Variants in MBTPS1 observed in about 807,000 individuals in gnomAD.
MBTPS1 encodes membrane bound transcription factor peptidase, site 1.
A neutral mutation model predicts 127.8 loss-of-function variants in MBTPS1; 94 were observed. That is an observed-to-expected ratio of 0.74 (90% CI 0.62 to 0.87). MBTPS1 has a LOEUF of 0.87. MBTPS1 is among the 40% of genes least tolerant of loss of function. The pLI, the probability that MBTPS1 is intolerant of heterozygous loss-of-function variation, is 0.00. For synonymous variants in MBTPS1, 632 were observed against 509.4 expected (o/e 1.24, Z -3.24); for missense variants, 1,636 against 1,353.2 (o/e 1.21, Z -3.28).
At chr16:84,062,409 G>A (rs3759974) in intron 19 of MBTPS1, among the ~76,000 whole-genome samples, 40,100 of 152,130 alleles carry the variant, frequency 0.26, 5,343 homozygotes, top group East Asian at 0.35. Context: ...GTGAGCCACC[G>A]CGCCCGGCCC....
In MBTPS1 at chr16:84,069,970, G is replaced by A. The variant is rs368173667; in HGVS notation, c.1851C>T (p.Pro617=). 6.2e-7 allele frequency: 1 copy of A among 1,614,080 alleles called. No individual in the cohort carries two copies. Among genetic ancestry groups the A allele is most frequent in the East Asian group, 2.2e-5 (1 of 44,886 alleles). ...CCCAGAGAACTCTCTTGCTTCGCGGGGGAGTAGGAATTATCTTCACCTTAA... is the reference window on the plus strand; with the variant it reads ...CCCAGAGAACTCTCTTGCTTCGCGGAGGAGTAGGAATTATCTTCACCTTAA... ...LPIKVKIIPT[P]PRSKRVLWDQ... Residue 617 remains proline, a synonymous_variant, in exon 14 of 23, where the codon CCC becomes CCT. Coordinates refer to ENST00000343411, the MANE Select transcript of MBTPS1 (RefSeq NM_003791.4).
chr16:84,068,386 A>G lies in MBTPS1; in HGVS notation c.2024T>C (p.Val675Ala), dbSNP rs1027752054. 2.5e-6 allele frequency: 4 copies of G among 1,614,144 alleles called. No homozygotes were observed. The African/African-American group carries it at 4.0e-5, about 16-fold the overall frequency. ...YQHLRSMGYF[V>A]EVLGAPFTCF... ...CGTGAAGGGGGCCCCGAGGACCTCTACAAAGTAGCCCATGCTTCTCAGATG... is the reference window on the plus strand; with the variant it reads ...CGTGAAGGGGGCCCCGAGGACCTCTGCAAAGTAGCCCATGCTTCTCAGATG... Residue 675 changes from valine (V) to alanine (A), a missense_variant, in exon 15 of 23, where the codon GTA (valine) becomes GCA (alanine). By Grantham distance (64) the Val-to-Ala change is moderately conservative. Coordinates refer to ENST00000343411, the MANE Select transcript of MBTPS1 (RefSeq NM_003791.4).
In MBTPS1 at chr16:84,099,059, C is replaced by T. The variant is rs781522280; in HGVS notation, c.415G>A (p.Ala139Thr). Residue 139 changes from alanine (A) to threonine (T), a missense_variant, in exon 3 of 23, where the codon GCT becomes ACT. By Grantham distance (58) the Ala-to-Thr change is moderately conservative. Coordinates refer to ENST00000343411, the MANE Select transcript of MBTPS1 (RefSeq NM_003791.4). The part of the protein sequence containing the change: ...QRKVFRSLKY[A>T]ESDPTVPCNE... The stretch of plus-strand genomic sequence containing the variant: ...CTACAGTCACAATACTCACATTCAG[C>T]ATACTTGAGGGAACGAAAGACTTTT... 2 of 1,613,958 alleles carry T rather than the reference C, an allele frequency of 1.2e-6. No homozygotes were observed. Among genetic ancestry groups the T allele is most frequent in the South Asian group, 1.1e-5 (1 of 91,062 alleles).
intron 1 of MBTPS1, among the ~76,000 whole-genome samples, chr16:84,114,766 G>A (rs1471985748): frequency 6.8e-6 from 1 of 146,174 alleles, no homozygotes; most frequent in Non-Finnish European, 1.5e-5. Flanking sequence ...GGAGGCAGAA[G>A]TTGCAGTGAG....
Position 84,087,468 on chromosome 16 carries a change from G to C in MBTPS1, c.1032-8C>G. On this transcript the variant is annotated splice_region_variant and splice_polypyrimidine_tract_variant and intron_variant, in intron 8 of 22. Transcript: ENST00000343411. Reference sequence around the variant, plus strand: ...GCAGGGTTATTCAGAGTGCTATATTGAGACCAAAAAAAAAAAAAAAGAAAA... The same window carrying C: ...GCAGGGTTATTCAGAGTGCTATATTCAGACCAAAAAAAAAAAAAAAGAAAA... 2 of 1,266,118 alleles carry C rather than the reference G, an allele frequency of 1.6e-6. No individual in the cohort carries two copies. The highest frequency in any genetic ancestry group is 1.4e-5 in the South Asian group (1 of 73,436). The allele number at this position is 1,266,118 out of a possible 1,614,324, so 78.4% of individuals were successfully genotyped here. A position where few individuals can be genotyped will look rare whatever the true frequency, so the allele number is the denominator to read the frequency against.
intron 4 of MBTPS1, among the ~76,000 whole-genome samples, chr16:84,094,929 G>A (rs925643689): frequency 1.3e-5 from 2 of 152,164 alleles, no homozygotes; most frequent in South Asian, 2.1e-4. Flanking sequence ...GGCAAACTGC[G>A]CTGTCCTGGG....
At chr16:84,087,213 G>A (rs2086041159) in intron 9 of MBTPS1, 145 bp downstream of exon 9, 2 of 640,526 alleles carry the variant, frequency 3.1e-6, no homozygotes, top group Non-Finnish European at 2.8e-6. Context: ...CGGCTGGGCA[G>A]GCACTCACAG....
chr16:84,065,742 G>A lies in MBTPS1; in HGVS notation c.2379C>T (p.Ile793=), dbSNP rs143593466. 2.9e-5 allele frequency: 46 copies of A among 1,609,562 alleles called. No individual in the cohort carries two copies. The highest frequency in any genetic ancestry group is 1.6e-4 in the Middle Eastern group (1 of 6,064). The stretch of plus-strand genomic sequence containing the variant: ...CGACGCCATCTTCTGGAAACTTCGC[G>A]ATGCTGCACCCTGACGCATAATACA... ...HDMYYASGCS[I]AKFPEDGVVI... The change falls in exon 18 of 23, where the codon ATC becomes ATT. Residue 793 remains isoleucine (I), a synonymous_variant. Transcript: ENST00000343411.
At chr16:84,062,603 G>A (rs1303088142) in intron 19 of MBTPS1, among the ~76,000 whole-genome samples, 3 of 152,190 alleles carry the variant, frequency 2.0e-5, no homozygotes, top group Non-Finnish European at 4.4e-5. Flanking sequence ...CAGCGCATTA[G>A]AAGGTTGCCT....
chr16:84,081,985 A>C, intron 10 of MBTPS1, 77 bp from the exon 11 acceptor site: 2 of 1,108,294 alleles, frequency 1.8e-6, no homozygotes, highest in Non-Finnish European at 2.4e-6. Context: ...CTAACCTACA[A>C]ACGTGCACAC....
At chr16:84,098,240 A>G (rs2086204960) in intron 3 of MBTPS1, among the ~76,000 whole-genome samples, 1 of 152,206 alleles carries the variant, frequency 6.6e-6, no homozygotes, top group Admixed American at 6.5e-5. Flanking sequence ...AACCCAGCTG[A>G]TGCATGACCA....
Position 84,069,918 on chromosome 16 carries a change from G to A in MBTPS1, c.1903C>T (p.Pro635Ser), listed in dbSNP as rs770345773. 7 of 1,614,074 alleles carry A rather than the reference G, an allele frequency of 4.3e-6. No homozygotes were observed. The African/African-American group carries it at 9.3e-5, about 22-fold the overall frequency. ...AAATTATCCCTGGGGAAATAGCCAG[G>A]TGGATAGCGGAGGTTGTGGTACTGA... ...WDQYHNLRYP[P>S]GYFPRDNLRM... The change falls in exon 14 of 23, where the codon CCT (proline) becomes TCT (serine). Residue 635 changes from proline to serine, a missense_variant. Transcript: ENST00000343411.
chr16:84,095,461 A>T, intron 4 of MBTPS1, 141 bp downstream of exon 4: 1 of 783,948 alleles, frequency 1.3e-6, no homozygotes, highest in East Asian at 2.7e-5. Context: ...TAAGAAGGTT[A>T]GATGTGGAAG....
At chr16:84,105,196 C>A (rs535821912) in intron 1 of MBTPS1, among the ~76,000 whole-genome samples, 123 of 152,142 alleles carry the variant, frequency 8.1e-4, no homozygotes, top group African/African-American at 2.9e-3. Context: ...ATGTGGAAAA[C>A]AGAGAAGGCA....
chr16:84,101,484 C>G, intron 2 of MBTPS1, 137 bp downstream of exon 2: 1 of 745,966 alleles, frequency 1.3e-6, no homozygotes, highest in East Asian at 2.9e-5. Context: ...GAGTGAGACT[C>G]TGTCTCAAAA....
At chr16:84,067,078 A>G (rs959836766) in intron 16 of MBTPS1, among the ~76,000 whole-genome samples, 22 of 152,174 alleles carry the variant, frequency 1.4e-4, no homozygotes, top group Non-Finnish European at 2.1e-4. Flanking sequence ...TAAATTAATT[A>G]TTGTAAATAT....
intron 15 of MBTPS1, 44 bp from the exon 16 acceptor site, chr16:84,067,867 G>A (rs779354680): frequency 5.6e-5 from 89 of 1,577,356 alleles, no homozygotes; most frequent in East Asian, 1.1e-4. Context: ...ACTTCTGAAT[G>A]ACAGGACACC....
rs375707952 is a variant in MBTPS1 at position 84,087,319 on chromosome 16, G to A, written c.1134+39C>T. 4.6e-6 allele frequency: 7 copies of A among 1,511,522 alleles called. No individual in the cohort carries two copies. The African/African-American group carries it at 8.2e-5, about 18-fold the overall frequency. The allele number at this position is 1,511,522 out of a possible 1,614,324, so 93.6% of individuals were successfully genotyped here. A position where few individuals can be genotyped will look rare whatever the true frequency, so the allele number is the denominator to read the frequency against. ...CCGGTGCCACTAGCCACAGTAGTTT[G>A]TCCAGCTAAATACAATTATTTAGCA... On this transcript the variant is annotated intron_variant, in intron 9 of 22. Transcript: ENST00000343411.
chr16:84,112,287 ATAGT>A (rs1158476332), intron 1 of MBTPS1, among the ~76,000 whole-genome samples: 1 of 152,240 alleles, frequency 6.6e-6, no homozygotes, highest in East Asian at 1.9e-4. Flanking sequence ...ATGATTACAG[ATAGT>A]TAATTTCTGC....
Sources: allele counts gnomAD v4.1 joint callset (sites outside exome capture counted in the v4.1 genomes callset), GRCh38; gene constraint gnomAD v4.1.1; transcripts MANE v1.5; gene names NCBI Gene and HGNC (gene_info 2026-07-23, HGNC 2026-07-21).